Variants in SORCS2 observed in about 807,000 individuals in gnomAD.
The protein encoded by SORCS2 is sortilin related VPS10 domain containing receptor 2, also known as VPS10 domain-containing receptor SorCS2.
Under a neutral mutation model 141.6 loss-of-function variants are expected in SORCS2, and 100 were observed. That is an observed-to-expected ratio of 0.71 (90% CI 0.60 to 0.83). The LOEUF (loss-of-function observed/expected upper bound fraction) is 0.83. SORCS2 is among the 40% of genes least tolerant of loss of function. The pLI, the probability that SORCS2 is intolerant of heterozygous loss-of-function variation, is 0.00. For missense variants in SORCS2, 1,646 were observed against 1,560.2 expected (o/e 1.05, Z -0.93); for synonymous variants, 789 against 676.9 (o/e 1.17, Z -2.57).
At chr4:7,558,306 C>T (rs77538972) in intron 3 of SORCS2, among the ~76,000 whole-genome samples, 4,727 of 152,260 alleles carry the variant, frequency 0.031, 92 homozygotes, top group Middle Eastern at 0.051. Context: ...TCCTATGCAT[C>T]GTAGGGTGGC....
intron 1 of SORCS2, among the ~76,000 whole-genome samples, chr4:7,314,349 TTA>T (rs1718414083): frequency 9.6e-6 from 1 of 104,004 alleles, no homozygotes; most frequent in African/African-American, 3.4e-5. Context: ...TTATTTTTTT[TTA>T]TTTTTTGAGA....
intron 1 of SORCS2, among the ~76,000 whole-genome samples, chr4:7,374,005 C>T (rs908339356): frequency 5.3e-5 from 8 of 152,146 alleles, no homozygotes; most frequent in Non-Finnish European, 1.2e-4. Flanking sequence ...AAGATTTCTT[C>T]CCCCTTGTTT....
chr4:7,218,828 T>C (rs1728527698), intron 1 of SORCS2, among the ~76,000 whole-genome samples: 1 of 152,218 alleles, frequency 6.6e-6, no homozygotes, highest in Admixed American at 6.5e-5. Context: ...GTCCGGGAAA[T>C]GCTGTGCTGT....
intron 2 of SORCS2, chr4:7,434,943 C>T (rs1289739699): frequency 7.5e-6 from 11 of 1,461,436 alleles, no homozygotes; most frequent in Non-Finnish European, 1.0e-5. Flanking sequence ...ACCTGGCTCT[C>T]CTGCCTGGCC....
At chr4:7,499,324 G>C (rs565059412) in intron 2 of SORCS2, among the ~76,000 whole-genome samples, 39 of 152,304 alleles carry the variant, frequency 2.6e-4, no homozygotes, top group African/African-American at 8.9e-4. Context: ...ACTCAGGAGG[G>C]AGTGTGATGC....
At chr4:7,475,715 T>C (rs990927142) in intron 2 of SORCS2, among the ~76,000 whole-genome samples, 2 of 142,656 alleles carry the variant, frequency 1.4e-5, no homozygotes, top group Admixed American at 1.4e-4. Context: ...ACAACACACA[T>C]ACACACACAT....
chr4:7,334,299 C>A (rs1235512388), intron 1 of SORCS2, among the ~76,000 whole-genome samples: 1 of 152,140 alleles, frequency 6.6e-6, no homozygotes, highest in African/African-American at 2.4e-5. Flanking sequence ...CTCCTCCTTC[C>A]CCAGCCTGCC....
chr4:7,724,633 GTGA>G (rs1156973121), intron 19 of SORCS2, among the ~76,000 whole-genome samples: 1 of 107,324 alleles, frequency 9.3e-6, no homozygotes, highest in African/African-American at 3.5e-5. Flanking sequence ...GGTGATGGTG[GTGA>G]TGGTGGAGGT....
chr4:7,387,421 GCA>G (rs1303841689), intron 1 of SORCS2, among the ~76,000 whole-genome samples: 2 of 68,510 alleles, frequency 2.9e-5, no homozygotes, highest in East Asian at 4.4e-4. Context: ...ATACACACAT[GCA>G]CACACACATA....
chr4:7,634,483 A>G (rs1043566048), intron 3 of SORCS2, among the ~76,000 whole-genome samples: 6 of 152,242 alleles, frequency 3.9e-5, no homozygotes, highest in African/African-American at 7.2e-5. Flanking sequence ...TATTTGAGCA[A>G]CAAAATATCA....
At chr4:7,711,786 G>A (rs765926119) in intron 14 of SORCS2, among the ~76,000 whole-genome samples, 9 of 152,212 alleles carry the variant, frequency 5.9e-5, no homozygotes, top group East Asian at 3.9e-4. Context: ...TCTGTAAAAC[G>A]GGCGGACCCG....
intron 2 of SORCS2, among the ~76,000 whole-genome samples, chr4:7,475,547 C>T (rs1286390835): frequency 6.6e-6 from 1 of 152,178 alleles, no homozygotes; most frequent in Non-Finnish European, 1.5e-5. Flanking sequence ...CCCAGCTGCC[C>T]CCCTCCTGCC....
intron 5 of SORCS2, 119 bp downstream of exon 5, chr4:7,654,326 C>G: frequency 2.8e-6 from 3 of 1,054,914 alleles, no homozygotes; most frequent in Non-Finnish European, 4.2e-6. Flanking sequence ...CCTCCCCATC[C>G]CGGGGCTGGG....
intron 1 of SORCS2, among the ~76,000 whole-genome samples, chr4:7,375,631 A>C (rs981124491): frequency 6.6e-6 from 1 of 152,272 alleles, no homozygotes; most frequent in African/African-American, 2.4e-5. Context: ...GCCCAGAACC[A>C]GCCTGAGCCA....
intron 1 of SORCS2, among the ~76,000 whole-genome samples, chr4:7,336,136 C>T (rs964779976): frequency 8.5e-5 from 13 of 152,232 alleles, no homozygotes; most frequent in Non-Finnish European, 1.6e-4. Context: ...TTCGAGGGTG[C>T]TGGAAGGAAG....
At chr4:7,730,540 A>G (rs1711581645) in intron 23 of SORCS2, among the ~76,000 whole-genome samples, 1 of 152,232 alleles carries the variant, frequency 6.6e-6, no homozygotes, top group Non-Finnish European at 1.5e-5. Flanking sequence ...TTACAATGGA[A>G]TATTCTTTGA....
chr4:7,491,663 C>A (rs1280588413), intron 2 of SORCS2, among the ~76,000 whole-genome samples: 3 of 152,242 alleles, frequency 2.0e-5, no homozygotes, highest in Non-Finnish European at 4.4e-5. Context: ...TGATAGCGGA[C>A]AAGGCTTGTG....
chr4:7,734,596 C>T (rs1339192535), intron 25 of SORCS2, among the ~76,000 whole-genome samples: 1 of 152,150 alleles, frequency 6.6e-6, no homozygotes, highest in Non-Finnish European at 1.5e-5. Context: ...ACCCAGAGAG[C>T]ATCACCCTCC....
intron 2 of SORCS2, among the ~76,000 whole-genome samples, chr4:7,436,534 T>C (rs1727313032): frequency 6.6e-6 from 1 of 152,196 alleles, no homozygotes; most frequent in Admixed American, 6.5e-5. Context: ...GGCCAGAATG[T>C]CCTCCTCATC....
Sources: gnomAD v4.1 joint callset for allele counts (sites outside exome capture counted in the v4.1 genomes callset) on GRCh38, gnomAD v4.1.1 for gene constraint, MANE v1.5 for transcripts, NCBI Gene and HGNC (gene_info 2026-07-23, HGNC 2026-07-21) for gene names.